SPATS2L: variants seen among roughly 807,000 people sequenced by gnomAD.
SPATS2L encodes SPATS2-like protein.
A neutral mutation model predicts 59.6 loss-of-function variants in SPATS2L; 30 were observed. The ratio of observed to expected loss-of-function variants is 0.50; its 90% CI spans 0.38 to 0.68. The LOEUF (loss-of-function observed/expected upper bound fraction) is 0.68, where lower values mean the gene tolerates loss of function less well. Among genes scored for constraint, SPATS2L ranks in the 30% least tolerant of loss-of-function variants. SPATS2L has a pLI of 0.00. For synonymous variants in SPATS2L, 252 were observed against 263.5 expected (o/e 0.96, Z 0.42); for missense variants, 615 against 700.0 (o/e 0.88, Z 1.37).
intron 2 of SPATS2L, among the ~76,000 whole-genome samples, chr2:200,388,209 C>T (rs747558337): frequency 2.6e-5 from 4 of 151,982 alleles, no homozygotes; most frequent in Non-Finnish European, 5.9e-5. Context: ...GAGAGTAAGG[C>T]AGGAGAGGTG....
chr2:200,339,415 T>C (rs1388476959), intron 2 of SPATS2L, among the ~76,000 whole-genome samples: 1 of 152,190 alleles, frequency 6.6e-6, no homozygotes, highest in Admixed American at 6.5e-5. Flanking sequence ...TCATCTATAG[T>C]ACCCCCTTAG....
intron 11 of SPATS2L, among the ~76,000 whole-genome samples, chr2:200,472,032 A>C (rs1424339197): frequency 1.3e-5 from 2 of 152,174 alleles, no homozygotes; most frequent in Admixed American, 1.3e-4. Context: ...AGCAGAAACC[A>C]CCACTTTCAA....
chr2:200,356,541 T>G (rs1218744526), intron 2 of SPATS2L, among the ~76,000 whole-genome samples: 2 of 152,218 alleles, frequency 1.3e-5, no homozygotes, highest in East Asian at 3.9e-4. Context: ...TCCCAAAATA[T>G]AGAAACATTT....
intron 1 of SPATS2L, among the ~76,000 whole-genome samples, 162 bp downstream of exon 1, chr2:200,307,084 C>T (rs1249321095): frequency 1.3e-5 from 2 of 150,698 alleles, no homozygotes; most frequent in Non-Finnish European, 3.0e-5. Context: ...GTGTGGCCCG[C>T]GCTCGGCGCC....
chr2:200,443,985 A>ATAAC (rs2084868005), intron 8 of SPATS2L, among the ~76,000 whole-genome samples: 1 of 152,242 alleles, frequency 6.6e-6, no homozygotes, highest in South Asian at 2.1e-4. Flanking sequence ...CTGCATGACC[A>ATAAC]TAACAGAGCA....
intron 2 of SPATS2L, among the ~76,000 whole-genome samples, chr2:200,375,503 T>C (rs989516999): frequency 8.5e-5 from 13 of 152,180 alleles, no homozygotes; most frequent in African/African-American, 2.9e-4. Context: ...TGGGTGCTTA[T>C]GATTAGACCT....
At chr2:200,318,753 G>C (rs145632244) in intron 1 of SPATS2L, among the ~76,000 whole-genome samples, 1 of 152,148 alleles carries the variant, frequency 6.6e-6, no homozygotes, top group South Asian at 2.1e-4. Flanking sequence ...GAAATTACAC[G>C]TGTAGAAAGC....
At chr2:200,332,997 T>C (rs1201308647) in intron 2 of SPATS2L, among the ~76,000 whole-genome samples, 2 of 152,194 alleles carry the variant, frequency 1.3e-5, no homozygotes, top group Non-Finnish European at 2.9e-5. Context: ...AAGACAGATA[T>C]GGCCTGGGTT....
At chr2:200,477,390 T>G (rs2087608593) in intron 12 of SPATS2L, among the ~76,000 whole-genome samples, 1 of 152,138 alleles carries the variant, frequency 6.6e-6, no homozygotes, top group Non-Finnish European at 1.5e-5. Context: ...GTCTTACACT[T>G]CTGTAACCTC....
intron 2 of SPATS2L, among the ~76,000 whole-genome samples, chr2:200,382,666 A>T (rs1280836716): frequency 6.6e-6 from 1 of 152,110 alleles, no homozygotes; most frequent in African/African-American, 2.4e-5. Context: ...TGGCCCTGCC[A>T]CTTAACTGTG....
At chr2:200,446,995 A>G (rs2085093069) in intron 8 of SPATS2L, among the ~76,000 whole-genome samples, 2 of 152,220 alleles carry the variant, frequency 1.3e-5, no homozygotes, top group African/African-American at 2.4e-5. Flanking sequence ...TCTGTTTTTC[A>G]TCATAGAATT....
chr2:200,471,431 G>A (rs1291249542), intron 11 of SPATS2L, among the ~76,000 whole-genome samples: 3 of 151,936 alleles, frequency 2.0e-5, no homozygotes, highest in Non-Finnish European at 2.9e-5. Context: ...CACCGATCTC[G>A]GGGCGATGGA....
intron 1 of SPATS2L, among the ~76,000 whole-genome samples, chr2:200,308,542 G>A (rs1443322349): frequency 1.3e-5 from 2 of 152,128 alleles, no homozygotes; most frequent in Non-Finnish European, 2.9e-5. Context: ...CCTATTGTAT[G>A]GAGCAGCAGA....
chr2:200,444,389 A>G (rs2084897303), intron 8 of SPATS2L, among the ~76,000 whole-genome samples: 1 of 152,208 alleles, frequency 6.6e-6, no homozygotes, highest in South Asian at 2.1e-4. Flanking sequence ...GTATTCCAAA[A>G]TAGAGCTGTA....
chr2:200,402,694 T>G (rs543878305), intron 3 of SPATS2L, among the ~76,000 whole-genome samples: 46 of 152,320 alleles, frequency 3.0e-4, no homozygotes, highest in African/African-American at 1.1e-3. Context: ...ACTGCTGCAG[T>G]CCAGCTTCTG....
intron 8 of SPATS2L, among the ~76,000 whole-genome samples, chr2:200,446,845 G>A (rs2085081349): frequency 6.6e-6 from 1 of 152,178 alleles, no homozygotes; most frequent in Non-Finnish European, 1.5e-5. Flanking sequence ...TAACAGTGCA[G>A]CAGGAAATAT....
intron 3 of SPATS2L, among the ~76,000 whole-genome samples, chr2:200,396,512 A>G (rs994896440): frequency 8.5e-5 from 13 of 152,124 alleles, no homozygotes; most frequent in African/African-American, 2.9e-4. Flanking sequence ...GTACTATTTT[A>G]TTATTTTTTC....
rs560562034 is a variant in SPATS2L at position 200,345,019 on chromosome 2, C to G, written c.-23+15539C>G. Among the ~76,000 whole-genome samples the G allele has an allele frequency of 5.9e-5, 9 of 152,260 alleles. No homozygotes were observed. In the South Asian group the frequency reaches 1.9e-3, roughly 32 times the overall value. On this transcript the variant is annotated intron_variant, in intron 2 of 12. Transcript: ENST00000409140. ...TATTTTCTCCCATTCTTTAGATTGT[C>G]TGTTTGCTCTGTTGATTGATGGTTT... is the stretch of plus-strand genomic sequence containing the variant.
Position 200,306,833 on chromosome 2 carries a change from G to C in SPATS2L, c.-162G>C. ...CTCGGCCCGCCCTCCGAGCCGCAGG[G>C]GCCGCCACCGCCGCGGCGCCTCCCC... On this transcript the variant is annotated 5_prime_UTR_variant, in exon 1 of 13. Coordinates refer to ENST00000409140, the MANE Select transcript of SPATS2L (RefSeq NM_001100423.2). 3.1e-6 allele frequency: 3 copies of C among 980,850 alleles called. No individual in the cohort carries two copies. The highest frequency in any genetic ancestry group is 3.6e-6 in the Non-Finnish European group (3 of 828,158). 60.8% of individuals were successfully genotyped at this position (980,850 alleles called of 1,614,324 possible).
Sources: allele counts gnomAD v4.1 joint callset (sites outside exome capture counted in the v4.1 genomes callset), GRCh38; gene constraint gnomAD v4.1.1; transcripts MANE v1.5; gene names NCBI Gene and HGNC (gene_info 2026-07-23, HGNC 2026-07-21).